Variants in TEX9 observed in about 807,000 individuals in gnomAD.
TEX9 encodes the protein testis-expressed protein 9.
A neutral mutation model predicts 59.6 loss-of-function variants in TEX9; 74 were observed. The ratio of observed to expected loss-of-function variants is 1.24; its 90% CI spans 1.03 to 1.51. The LOEUF (loss-of-function observed/expected upper bound fraction) is 1.51, where lower values mean the gene tolerates loss of function less well. Among genes scored for constraint, TEX9 ranks in the 40% most tolerant of loss-of-function variants. The pLI, the probability that TEX9 is intolerant of heterozygous loss-of-function variation, is 0.00. For synonymous variants in TEX9, 186 were observed against 152.2 expected, an observed-to-expected ratio of 1.22 and a Z score of -1.64; for missense variants, 522 against 447.8, an observed-to-expected ratio of 1.17 and a Z score of -1.49.
At chr15:56,340,771 T>G (rs1300845198) in intron 1 of TEX9, among the ~76,000 whole-genome samples, 1 of 152,198 alleles carries the variant, frequency 6.6e-6, no homozygotes, top group Admixed American at 6.5e-5. Context: ...CGTGCTGTGA[T>G]TTGACCCTAG....
intron 3 of TEX9, among the ~76,000 whole-genome samples, chr15:56,375,360 T>C (rs1343081932): frequency 3.4e-4 from 52 of 152,100 alleles, no homozygotes; most frequent in African/African-American, 1.2e-3. Flanking sequence ...TTTGATGGGG[T>C]TGTTTGTTTT....
chr15:56,458,002 C>T, the TEX9 span, among the ~76,000 whole-genome samples: 3 of 152,236 alleles, frequency 2.0e-5, no homozygotes, highest in East Asian at 5.8e-4. Context: ...GTCAAATAAA[C>T]TGTGGTACAT....
At chr15:56,366,785 GA>G (rs1325560096) in intron 2 of TEX9, among the ~76,000 whole-genome samples, 3 of 152,150 alleles carry the variant, frequency 2.0e-5, no homozygotes, top group Non-Finnish European at 4.4e-5. Flanking sequence ...ATCTACATAT[GA>G]TCTATAAGCA....
intron 10 of TEX9, among the ~76,000 whole-genome samples, chr15:56,414,328 T>C (rs2049556790): frequency 6.6e-6 from 1 of 151,692 alleles, no homozygotes; most frequent in African/African-American, 2.4e-5. Context: ...GTTGCACATA[T>C]ATTTCATCAC....
chr15:56,370,536 G>A (rs1240972625), intron 2 of TEX9, among the ~76,000 whole-genome samples: 1 of 152,124 alleles, frequency 6.6e-6, no homozygotes, highest in Non-Finnish European at 1.5e-5. Flanking sequence ...TAGATGGCCA[G>A]CTTTTCCTTC....
intron 1 of TEX9, among the ~76,000 whole-genome samples, chr15:56,309,708 T>TTTTTTA (rs2045564871): frequency 7.6e-6 from 1 of 131,950 alleles, no homozygotes; most frequent in Non-Finnish European, 1.7e-5. Context: ...TTTTTTTTTT[T>TTTTTTA]TTTTTTTTTT....
At chr15:56,412,214 G>C in intron 9 of TEX9, 88 bp from the exon 10 acceptor site, 3 of 1,261,156 alleles carry the variant, frequency 2.4e-6, no homozygotes, top group Non-Finnish European at 3.3e-6. Context: ...AGAAAGCAAG[G>C]AATATGGATA....
intron 10 of TEX9, among the ~76,000 whole-genome samples, chr15:56,414,057 T>A (rs1204990925): frequency 6.6e-6 from 1 of 151,834 alleles, no homozygotes; most frequent in East Asian, 1.9e-4. Context: ...ATTCGAGTAT[T>A]ATTTCCAATT....
chr15:56,327,529 A>G (rs1174702755), intron 1 of TEX9, among the ~76,000 whole-genome samples: 1 of 152,212 alleles, frequency 6.6e-6, no homozygotes, highest in Non-Finnish European at 1.5e-5. Context: ...AAACACCTTT[A>G]TAAGAACCAA....
intron 1 of TEX9, among the ~76,000 whole-genome samples, chr15:56,289,345 G>A (rs529228620): frequency 6.6e-6 from 1 of 152,136 alleles, no homozygotes; most frequent in African/African-American, 2.4e-5. Flanking sequence ...TGGAGCAGTT[G>A]CCTCTTTCAG....
chr15:56,322,169 C>T (rs1037487346), intron 1 of TEX9, among the ~76,000 whole-genome samples: 8 of 152,068 alleles, frequency 5.3e-5, no homozygotes, highest in African/African-American at 1.9e-4. Flanking sequence ...AAATGAGCTT[C>T]AGGTCTGCGG....
chr15:56,334,486 C>T (rs184120911), intron 1 of TEX9, among the ~76,000 whole-genome samples: 6 of 152,138 alleles, frequency 3.9e-5, no homozygotes, highest in Non-Finnish European at 5.9e-5. Flanking sequence ...ACCTCGGTCT[C>T]GTGCCATATA....
At chr15:56,420,284 T>G (rs1156427362) in intron 10 of TEX9, among the ~76,000 whole-genome samples, 4 of 151,588 alleles carry the variant, frequency 2.6e-5, no homozygotes, top group Non-Finnish European at 5.9e-5. Context: ...ACTTTTGGGT[T>G]CAATTTGTTC....
At chr15:56,439,899 A>C (rs2050791053) in intron 12 of TEX9, among the ~76,000 whole-genome samples, 1 of 152,084 alleles carries the variant, frequency 6.6e-6, no homozygotes, top group African/African-American at 2.4e-5. Context: ...TGATAAACTG[A>C]ACTTCATAGA....
chr15:56,381,798 T>TCAGACCTGAAGCCAGAA (rs2047738818), intron 3 of TEX9, among the ~76,000 whole-genome samples: 5 of 152,214 alleles, frequency 3.3e-5, no homozygotes, highest in African/African-American at 1.2e-4. Flanking sequence ...TTGTGCTCCG[T>TCAGACCTGAAGCCAGAA]CAGACCTGAA....
At chr15:56,281,359 G>C (rs540501388) in intron 1 of TEX9, among the ~76,000 whole-genome samples, 39 of 152,346 alleles carry the variant, frequency 2.6e-4, no homozygotes, top group African/African-American at 9.4e-4. Flanking sequence ...CACAGCAGGA[G>C]GGGAGCAGCA....
chr15:56,280,459 C>G (rs1417400454), intron 1 of TEX9, among the ~76,000 whole-genome samples: 1 of 152,142 alleles, frequency 6.6e-6, no homozygotes, highest in East Asian at 1.9e-4. Flanking sequence ...AACATTCTAC[C>G]CGAAGGCAAA....
chr15:56,367,404 C>G (rs976321267), intron 2 of TEX9, among the ~76,000 whole-genome samples: 1 of 152,178 alleles, frequency 6.6e-6, no homozygotes, highest in Non-Finnish European at 1.5e-5. Flanking sequence ...TGGCATTGAT[C>G]ATTAGAATGC....
chr15:56,365,549 CG>C lies in TEX9; in HGVS notation c.28-27del, dbSNP rs1435232494. On this transcript the variant is annotated intron_variant, in intron 1 of 12. Coordinates refer to ENST00000352903, the Ensembl canonical transcript of TEX9. ...TAGGACGCCTAACTTCCTTTAACTT[CG>C]GGTCTGAAAGTCTGTGGCTCTTTTA... The C allele has an allele frequency of 2.5e-6, 4 of 1,614,096 alleles. No homozygotes were observed. In the Admixed American group the frequency reaches 5.0e-5, roughly 20 times the overall value.
Sources: gnomAD v4.1 joint callset for allele counts (sites outside exome capture counted in the v4.1 genomes callset) on GRCh38, gnomAD v4.1.1 for gene constraint, MANE v1.5 for transcripts, NCBI Gene and HGNC (gene_info 2026-07-23, HGNC 2026-07-21) for gene names.